The following FAM227A variants were observed in gnomAD, a reference collection of about 807,000 sequenced individuals.
The protein encoded by FAM227A is protein FAM227A.
Under a neutral mutation model 74.7 loss-of-function variants are expected in FAM227A, and 80 were observed. That is an observed-to-expected ratio of 1.07 (90% CI 0.89 to 1.29). FAM227A has a LOEUF of 1.29. Among genes scored for constraint, FAM227A ranks in the 50% most tolerant of loss-of-function variants. The pLI, the probability that FAM227A is intolerant of heterozygous loss-of-function variation, is 0.00. For missense variants in FAM227A, 654 were observed against 683.4 expected, an observed-to-expected ratio of 0.96 and a Z score of 0.48; for synonymous variants, 237 against 241.8, an observed-to-expected ratio of 0.98 and a Z score of 0.19.
intron 12 of FAM227A, among the ~76,000 whole-genome samples, chr22:38,607,176 CAAAAAA>C (rs528873313): frequency 1.8e-5 from 1 of 55,678 alleles, no homozygotes; most frequent in Non-Finnish European, 4.0e-5. Context: ...GACTTCATCT[CAAAAAA>C]AAAAAAAAAA....
chr22:38,647,190 C>T (rs1485646656), intron 2 of FAM227A, among the ~76,000 whole-genome samples: 2 of 151,320 alleles, frequency 1.3e-5, no homozygotes, highest in African/African-American at 2.4e-5. Flanking sequence ...GTGTGCCAGG[C>T]ACGGTGGCTC....
intron 2 of FAM227A, among the ~76,000 whole-genome samples, chr22:38,648,180 A>G (rs2145731259): frequency 6.6e-6 from 1 of 152,240 alleles, no homozygotes; most frequent in South Asian, 2.1e-4. Context: ...CAGAAGTGAG[A>G]AGAGGATGAA....
intron 11 of FAM227A, among the ~76,000 whole-genome samples, chr22:38,613,527 G>C (rs1413751046): frequency 3.4e-5 from 5 of 146,964 alleles, no homozygotes; most frequent in Admixed American, 2.9e-4. Flanking sequence ...CATCTTCCCA[G>C]AGACAAAGCT....
At chr22:38,643,424 G>A (rs2092159620) in intron 3 of FAM227A, among the ~76,000 whole-genome samples, 1 of 152,060 alleles carries the variant, frequency 6.6e-6, no homozygotes, top group Non-Finnish European at 1.5e-5. Flanking sequence ...GATGTCCCTG[G>A]GGAAATGAAA....
At chr22:38,635,246 AAAAG>A (rs1279862115) in intron 6 of FAM227A, among the ~76,000 whole-genome samples, 31 of 151,324 alleles carry the variant, frequency 2.0e-4, no homozygotes, top group African/African-American at 5.8e-4. Context: ...AAAAAAAAAA[AAAAG>A]GAAGGAAGGG....
At chr22:38,622,612 A>C (rs142837934) in intron 10 of FAM227A, among the ~76,000 whole-genome samples, 1 of 152,268 alleles carries the variant, frequency 6.6e-6, no homozygotes, top group East Asian at 1.9e-4. Context: ...ATGGTGGCTC[A>C]CGTCTGTAAT....
At chr22:38,614,535 T>G (rs550422855) in intron 11 of FAM227A, among the ~76,000 whole-genome samples, 1 of 152,266 alleles carries the variant, frequency 6.6e-6, no homozygotes, top group Non-Finnish European at 1.5e-5. Flanking sequence ...ACTACTGCCA[T>G]TGAAATGCAT....
chr22:38,595,968 TAAG>T (rs2091034577), intron 15 of FAM227A, among the ~76,000 whole-genome samples: 1 of 15,760 alleles, frequency 6.3e-5, no homozygotes, highest in South Asian at 4.1e-3. Flanking sequence ...AAACAACTAA[TAAG>T]GGGGGGGGGG....
At chr22:38,624,456 T>C (rs1463156425) in intron 9 of FAM227A, among the ~76,000 whole-genome samples, 2 of 152,134 alleles carry the variant, frequency 1.3e-5, no homozygotes, top group African/African-American at 2.4e-5. Flanking sequence ...CTGCTATCCT[T>C]AGAAAGGCCT....
chr22:38,640,039 C>CT lies in FAM227A; in HGVS notation c.226-316dup, dbSNP rs963812206. ...ATAATAATATCTATCTTCCAGGGTT[C>CT]TTTTTTTTTTTTGAGACGGAGTCTC... is the stretch of plus-strand genomic sequence containing the variant. On this transcript the variant is annotated intron_variant, in intron 3 of 16. Transcript: ENST00000535113. Among the ~76,000 whole-genome samples the CT allele has an allele frequency of 3.8e-3, 547 of 145,504 alleles. 2 individuals carry two copies. The highest frequency in any genetic ancestry group is 0.036 in the Middle Eastern group (10 of 276).
At chr22:38,592,744 A>G (rs2090965003) in intron 15 of FAM227A, among the ~76,000 whole-genome samples, 1 of 152,210 alleles carries the variant, frequency 6.6e-6, no homozygotes, top group African/African-American at 2.4e-5. Context: ...AATAAATTTT[A>G]GCCACTGTTT....
chr22:38,608,795 T>C lies in FAM227A; in HGVS notation c.1039-1319A>G, dbSNP rs1399122051. On this transcript the variant is annotated intron_variant, in intron 11 of 16. Transcript: ENST00000535113. The stretch of plus-strand genomic sequence containing the variant: ...AAGATAAAATAAGACCCTTGTTCCT[T>C]TTTTTTTTTTTTTTTTTTTGAGATG... Among the ~76,000 whole-genome samples, 22 of 43,948 alleles carry C rather than the reference T, an allele frequency of 5.0e-4. No individual in the cohort carries two copies. In the African/African-American group the frequency reaches 7.0e-3, roughly 14 times the overall value. The allele number at this position is 43,948 out of a possible 152,430, so 28.8% of individuals were successfully genotyped here. A position where few individuals can be genotyped will look rare whatever the true frequency, so the allele number is the denominator to read the frequency against.
At chr22:38,648,224 G>T (rs763506499) in intron 2 of FAM227A, among the ~76,000 whole-genome samples, 12 of 151,574 alleles carry the variant, frequency 7.9e-5, no homozygotes, top group Non-Finnish European at 1.8e-4. Context: ...GATGCTGGTA[G>T]AGCCTGGACG....
At chr22:38,611,834 C>T (rs1353150434) in intron 11 of FAM227A, among the ~76,000 whole-genome samples, 1 of 152,182 alleles carries the variant, frequency 6.6e-6, no homozygotes, top group Non-Finnish European at 1.5e-5. Context: ...ACCCACTTGG[C>T]ATCTATCTTC....
At chr22:38,636,766 A>C (rs1241949739) in intron 5 of FAM227A, among the ~76,000 whole-genome samples, 169 bp from the exon 6 acceptor site, 1 of 136,622 alleles carries the variant, frequency 7.3e-6, no homozygotes, top group Admixed American at 7.7e-5. Context: ...TATCTACATT[A>C]TTTCTTTTTT....
chr22:38,638,592 A>C (rs2092050574), intron 5 of FAM227A, among the ~76,000 whole-genome samples, 154 bp downstream of exon 5: 1 of 152,174 alleles, frequency 6.6e-6, no homozygotes, highest in African/African-American at 2.4e-5. Context: ...TGCTGTTGTA[A>C]GGGTGTTATG....
chr22:38,641,806 GAAAC>G (rs1194094577), intron 3 of FAM227A, among the ~76,000 whole-genome samples: 2 of 152,008 alleles, frequency 1.3e-5, no homozygotes, highest in Non-Finnish European at 2.9e-5. Context: ...TTAAAAATAA[GAAAC>G]AAATACACGA....
chr22:38,586,002 A>T lies in FAM227A; in HGVS notation c.*123T>A. 1 of 1,538,482 alleles carries T rather than the reference A, an allele frequency of 6.5e-7. No homozygotes were observed. Among genetic ancestry groups the T allele is most frequent in the Non-Finnish European group, 8.8e-7 (1 of 1,140,790 alleles). ...CTACAACGGAATCCTTCCCCTATGGAGAAATCATGATTCCTATTTCTGTCT... is the reference window on the plus strand; with the variant it reads ...CTACAACGGAATCCTTCCCCTATGGTGAAATCATGATTCCTATTTCTGTCT... On this transcript the variant is annotated 3_prime_UTR_variant, in exon 17 of 17. Transcript: ENST00000535113.
In FAM227A at chr22:38,584,683, G is replaced by A. The variant is rs896490908; in HGVS notation, c.*1442C>T. The A allele has an allele frequency of 1.2e-4, 18 of 152,278 alleles. No individual in the cohort carries two copies. The highest frequency in any genetic ancestry group is 4.3e-4 in the African/African-American group (18 of 41,522). The allele number at this position is 152,278 out of a possible 1,614,324, so 9.4% of individuals were successfully genotyped here. A position where few individuals can be genotyped will look rare whatever the true frequency, so the allele number is the denominator to read the frequency against. ...CTTGGGAGGCTGAGGTGGGAGGATT[G>A]CTTCAGCCCAGGAATTTGAGGTTGC... On this transcript the variant is annotated 3_prime_UTR_variant, in exon 17 of 17. Coordinates refer to ENST00000535113, the MANE Select transcript of FAM227A (RefSeq NM_001013647.2).
Sources: gnomAD v4.1 joint callset for allele counts (sites outside exome capture counted in the v4.1 genomes callset) on GRCh38, gnomAD v4.1.1 for gene constraint, MANE v1.5 for transcripts, NCBI Gene and HGNC (gene_info 2026-07-23, HGNC 2026-07-21) for gene names.